UMAD1: variants seen among roughly 807,000 people sequenced by gnomAD.
UMAD1 encodes UBAP1-MVB12-associated (UMA) domain containing 1, also known as UBAP1-MVB12-associated (UMA)-domain containing protein 1.
UMAD1 carries 8 observed loss-of-function variants against 6.1 expected under a neutral mutation model. The ratio of observed to expected loss-of-function variants is 1.30; its 90% CI spans 0.76 to 2.35. UMAD1 has a LOEUF of 2.35. Ranked by LOEUF, UMAD1 falls within the 30% of genes most tolerant of loss-of-function variation. UMAD1 has a pLI of 0.00. For synonymous variants in UMAD1, 56 were observed against 31.4 expected, an observed-to-expected ratio of 1.78 and a Z score of -2.61; for missense variants, 130 against 78.4, an observed-to-expected ratio of 1.66 and a Z score of -2.49.
At chr7:7,702,518 C>T (rs1780485568) in intron 2 of UMAD1, among the ~76,000 whole-genome samples, 1 of 152,138 alleles carries the variant, frequency 6.6e-6, no homozygotes, top group South Asian at 2.1e-4. Context: ...TTCTTTTTCT[C>T]TAATACTTGA....
intron 2 of UMAD1, among the ~76,000 whole-genome samples, chr7:7,678,169 T>A (rs1172789511): frequency 6.6e-6 from 1 of 151,900 alleles, no homozygotes; most frequent in Non-Finnish European, 1.5e-5. Context: ...TCCATACTGG[T>A]CTTCATACTG....
At chr7:7,719,772 G>A (rs558285527) in intron 2 of UMAD1, among the ~76,000 whole-genome samples, 3 of 152,272 alleles carry the variant, frequency 2.0e-5, no homozygotes, top group African/African-American at 7.2e-5. Context: ...TGTACTTGGA[G>A]CTTTTATTCT....
At chr7:7,733,207 T>G (rs1436956138) in intron 2 of UMAD1, among the ~76,000 whole-genome samples, 2 of 152,166 alleles carry the variant, frequency 1.3e-5, no homozygotes, top group Non-Finnish European at 2.9e-5. Flanking sequence ...CCAGAATCTC[T>G]GGGTAGTCAG....
intron 3 of UMAD1, among the ~76,000 whole-genome samples, chr7:7,845,692 G>A (rs565702029): frequency 1.1e-4 from 16 of 152,138 alleles, no homozygotes; most frequent in Non-Finnish European, 1.9e-4. Context: ...TTAAAATGGC[G>A]ATGGTTTTCC....
chr7:7,840,072 T>C (rs146025554), intron 3 of UMAD1, among the ~76,000 whole-genome samples: 10 of 152,236 alleles, frequency 6.6e-5, no homozygotes, highest in South Asian at 2.1e-4. Flanking sequence ...GACATGATGG[T>C]GACCTAGACA....
At chr7:7,743,524 A>G (rs772873570) in intron 2 of UMAD1, among the ~76,000 whole-genome samples, 13 of 152,218 alleles carry the variant, frequency 8.5e-5, no homozygotes, top group Non-Finnish European at 1.0e-4. Flanking sequence ...ATTTATTTCA[A>G]TAAATTTTCC....
At chr7:7,737,043 G>A (rs1042829275) in intron 2 of UMAD1, among the ~76,000 whole-genome samples, 2 of 152,244 alleles carry the variant, frequency 1.3e-5, no homozygotes, top group Admixed American at 6.5e-5. Context: ...CTTCTTTGGC[G>A]TGGGCCATGC....
intron 2 of UMAD1, among the ~76,000 whole-genome samples, chr7:7,790,463 C>T (rs377509600): frequency 5.3e-5 from 8 of 152,206 alleles, no homozygotes; most frequent in African/African-American, 1.9e-4. Flanking sequence ...TAAAGGAGGG[C>T]AGCCCTGAGT....
At chr7:7,750,087 T>C (rs1030409147) in intron 2 of UMAD1, among the ~76,000 whole-genome samples, 7 of 152,132 alleles carry the variant, frequency 4.6e-5, no homozygotes, top group African/African-American at 1.7e-4. Flanking sequence ...ATTAGCAAAA[T>C]AGAATTATGG....
intron 2 of UMAD1, among the ~76,000 whole-genome samples, chr7:7,693,933 C>G (rs1780241441): frequency 6.6e-6 from 1 of 152,008 alleles, no homozygotes; most frequent in Non-Finnish European, 1.5e-5. Context: ...AAAAGAAGAG[C>G]TTTCCCTCTG....
intron 2 of UMAD1, among the ~76,000 whole-genome samples, chr7:7,678,626 C>T (rs868756215): frequency 9.1e-6 from 1 of 109,782 alleles, no homozygotes; most frequent in African/African-American, 3.5e-5. Flanking sequence ...TATTTATATA[C>T]TTAATTTATA....
intron 3 of UMAD1, among the ~76,000 whole-genome samples, chr7:7,862,288 T>A (rs1784130808): frequency 6.6e-6 from 1 of 152,172 alleles, no homozygotes; most frequent in Non-Finnish European, 1.5e-5. Context: ...TTTCTTATTG[T>A]ATATGTAGAT....
chr7:7,872,368 C>CT (rs1315913375), intron 3 of UMAD1, among the ~76,000 whole-genome samples: 1 of 152,172 alleles, frequency 6.6e-6, no homozygotes, highest in Non-Finnish European at 1.5e-5. Flanking sequence ...TCAGGGAAGT[C>CT]TGAGGAGAGG....
intron 3 of UMAD1, among the ~76,000 whole-genome samples, chr7:7,838,357 A>G (rs763696801): frequency 1.6e-4 from 24 of 152,198 alleles, no homozygotes; most frequent in Non-Finnish European, 3.2e-4. Context: ...AACAGAGTTA[A>G]TAAGGTTGAT....
chr7:7,862,831 A>C (rs1324746911), intron 3 of UMAD1, among the ~76,000 whole-genome samples: 1 of 152,178 alleles, frequency 6.6e-6, no homozygotes, highest in Non-Finnish European at 1.5e-5. Context: ...AACAAAAAAC[A>C]AAAAAACTAC....
chr7:7,727,447 A>G (rs1247613993), intron 2 of UMAD1, among the ~76,000 whole-genome samples: 3 of 152,210 alleles, frequency 2.0e-5, no homozygotes, highest in Non-Finnish European at 4.4e-5. Context: ...TGAAAATTAT[A>G]TATGATCTCA....
At chr7:7,875,648 C>T (rs534136359) in intron 3 of UMAD1, among the ~76,000 whole-genome samples, 67 of 152,288 alleles carry the variant, frequency 4.4e-4, no homozygotes, top group African/African-American at 1.5e-3. Context: ...AGGAAGAAGT[C>T]GAATCCCTGA....
intron 3 of UMAD1, among the ~76,000 whole-genome samples, chr7:7,845,861 A>C (rs1285994252): frequency 6.6e-6 from 1 of 152,148 alleles, no homozygotes; most frequent in Non-Finnish European, 1.5e-5. Context: ...AATAACAGCT[A>C]TCATGTTAGC....
chr7:7,856,508 C>T (rs565656752), intron 3 of UMAD1, among the ~76,000 whole-genome samples: 2 of 152,326 alleles, frequency 1.3e-5, no homozygotes, highest in African/African-American at 4.8e-5. Context: ...CCACCAGGTC[C>T]CTCCCGCAAC....
Sources: gnomAD v4.1 joint callset for allele counts (sites outside exome capture counted in the v4.1 genomes callset) on GRCh38, gnomAD v4.1.1 for gene constraint, MANE v1.5 for transcripts, NCBI Gene and HGNC (gene_info 2026-07-23, HGNC 2026-07-21) for gene names.